TRPC4: variants seen among roughly 807,000 people sequenced by gnomAD.
The protein encoded by TRPC4 is short transient receptor potential channel 4.
Under a neutral mutation model 99.4 loss-of-function variants are expected in TRPC4, and 49 were observed. The observed-to-expected ratio is 0.49, with a 90% CI of 0.39 to 0.63. The LOEUF (loss-of-function observed/expected upper bound fraction) is 0.63, where lower values mean the gene tolerates loss of function less well. TRPC4 is among the 20% of genes least tolerant of loss of function. The pLI is 0.00. For missense variants in TRPC4, 898 were observed against 1,152.9 expected (o/e 0.78, Z 3.20); for synonymous variants, 454 against 425.9 (o/e 1.07, Z -0.81).
At chr13:37,716,594 T>C (rs765216717) in intron 3 of TRPC4, among the ~76,000 whole-genome samples, 1 of 152,154 alleles carries the variant, frequency 6.6e-6, no homozygotes, top group Admixed American at 6.5e-5. Flanking sequence ...AGGAAGTGGT[T>C]AGTACTTTGT....
At chr13:37,827,529 C>A (rs992813004) in intron 1 of TRPC4, among the ~76,000 whole-genome samples, 1 of 152,030 alleles carries the variant, frequency 6.6e-6, no homozygotes, top group African/African-American at 2.4e-5. Context: ...GAGTACCCTG[C>A]GGTGTGAGGT....
intron 2 of TRPC4, among the ~76,000 whole-genome samples, chr13:37,772,663 G>A (rs1956588101): frequency 2.0e-5 from 3 of 151,654 alleles, no homozygotes; most frequent in Non-Finnish European, 4.4e-5. Context: ...GAAGAGGGAC[G>A]TTTAACTTCA....
chr13:37,843,705 C>CACACACAT (rs35659228), intron 1 of TRPC4, among the ~76,000 whole-genome samples: 4,394 of 151,732 alleles, frequency 0.029, 77 homozygotes, highest in Middle Eastern at 0.045. Context: ...CACACACACA[C>CACACACAT]GCACACATAC....
At chr13:37,787,965 A>T (rs959886175) in intron 1 of TRPC4, among the ~76,000 whole-genome samples, 1 of 152,022 alleles carries the variant, frequency 6.6e-6, no homozygotes, top group Non-Finnish European at 1.5e-5. Context: ...ACACATATCG[A>T]GGGGAATGGT....
At chr13:37,835,430 C>T (rs34824702) in intron 1 of TRPC4, among the ~76,000 whole-genome samples, 37,461 of 152,106 alleles carry the variant, frequency 0.25, 4,924 homozygotes, top group African/African-American at 0.33. Flanking sequence ...CAACATCTTG[C>T]TACTTGCATC....
intron 1 of TRPC4, among the ~76,000 whole-genome samples, chr13:37,825,197 A>T (rs1180951376): frequency 6.6e-6 from 1 of 151,550 alleles, no homozygotes. Flanking sequence ...TGGTCTATCT[A>T]TTTTGTTGAT....
At chr13:37,726,337 AT>A (rs1955056803) in intron 3 of TRPC4, among the ~76,000 whole-genome samples, 1 of 152,210 alleles carries the variant, frequency 6.6e-6, no homozygotes, top group African/African-American at 2.4e-5. Flanking sequence ...ATTTTGTGAT[AT>A]CAACCACTGA....
Position 37,810,887 on chromosome 13 carries a change from CG to C in TRPC4, c.-27-27528del, listed in dbSNP as rs201289196. Among the ~76,000 whole-genome samples the C allele has an allele frequency of 5.6e-3, 853 of 151,978 alleles. 7 individuals carry two copies. Among genetic ancestry groups the C allele is most frequent in the African/African-American group, 0.02 (814 of 41,530 alleles). On this transcript the variant is annotated intron_variant, in intron 1 of 10. Transcript: ENST00000379705. ...GTTTATCTCTCCAACAAACTGATCTCGAAATTTTTTGTACTCTATGTATTTT... is the reference window on the plus strand; with the variant it reads ...GTTTATCTCTCCAACAAACTGATCTCAAATTTTTTGTACTCTATGTATTTT...
chr13:37,700,486 A>G (rs1265423170), intron 3 of TRPC4, among the ~76,000 whole-genome samples: 5 of 152,194 alleles, frequency 3.3e-5, no homozygotes, highest in African/African-American at 1.2e-4. Flanking sequence ...CTGCTCTACT[A>G]TCTCCCAGTA....
intron 1 of TRPC4, among the ~76,000 whole-genome samples, chr13:37,864,361 T>C (rs555820310): frequency 3.3e-5 from 5 of 151,608 alleles, no homozygotes; most frequent in Non-Finnish European, 7.4e-5. Context: ...ATAAATCCTA[T>C]AAAAATGAGC....
rs1957810816 is a variant in TRPC4, at chr13:37,815,071, T to A, written c.-27-31711A>T. On this transcript the variant is annotated intron_variant, in intron 1 of 10. Coordinates refer to ENST00000379705, the MANE Select transcript of TRPC4 (RefSeq NM_016179.4). ...TTTTTACAAAGGTGTCAAGAAAAAT[T>A]TAATGGAAAAAAGATCTTTCAATAA... Among the ~76,000 whole-genome samples the A allele has an allele frequency of 2.6e-5, 4 of 151,608 alleles. No homozygotes were observed. The South Asian group carries it at 8.3e-4, about 31-fold the overall frequency.
intron 1 of TRPC4, among the ~76,000 whole-genome samples, chr13:37,837,179 G>A (rs991709453): frequency 6.6e-6 from 1 of 152,234 alleles, no homozygotes; most frequent in African/African-American, 2.4e-5. Flanking sequence ...TGTTACAGGG[G>A]CAGGGCCCTC....
At chr13:37,801,272 G>A (rs1957392828) in intron 1 of TRPC4, among the ~76,000 whole-genome samples, 1 of 152,110 alleles carries the variant, frequency 6.6e-6, no homozygotes, top group African/African-American at 2.4e-5. Context: ...CTCTGGCAGA[G>A]AATCTATGTA....
chr13:37,713,833 G>A (rs1291904349), intron 3 of TRPC4, among the ~76,000 whole-genome samples: 1 of 152,206 alleles, frequency 6.6e-6, no homozygotes, highest in Non-Finnish European at 1.5e-5. Context: ...TATAAGAGAG[G>A]TGAGTCCAGG....
intron 3 of TRPC4, among the ~76,000 whole-genome samples, chr13:37,719,839 G>T (rs553867042): frequency 7.4e-5 from 11 of 149,342 alleles, no homozygotes; most frequent in African/African-American, 2.6e-4. Context: ...AGGAATGAAG[G>T]TTGCAGATGG....
chr13:37,661,073 T>C (rs1952421056), intron 6 of TRPC4, among the ~76,000 whole-genome samples: 1 of 152,202 alleles, frequency 6.6e-6, no homozygotes, highest in Non-Finnish European at 1.5e-5. Flanking sequence ...ATAATTCAAG[T>C]GCAATAACTG....
At chr13:37,819,997 C>T (rs1407283534) in intron 1 of TRPC4, among the ~76,000 whole-genome samples, 3 of 151,550 alleles carry the variant, frequency 2.0e-5, no homozygotes, top group Non-Finnish European at 2.9e-5. Context: ...AAAAGATCAA[C>T]AAATCCAGGA....
At chr13:37,746,895 T>C (rs901764605) in intron 2 of TRPC4, among the ~76,000 whole-genome samples, 1 of 152,170 alleles carries the variant, frequency 6.6e-6, no homozygotes, top group African/African-American at 2.4e-5. Context: ...AGAAGTCCTT[T>C]AATTCCTCAA....
chr13:37,855,294 T>C lies in TRPC4; in HGVS notation c.-28+14301A>G, dbSNP rs182590184. On this transcript the variant is annotated intron_variant, in intron 1 of 10. Coordinates refer to ENST00000379705, the MANE Select transcript of TRPC4 (RefSeq NM_016179.4). Reference sequence around the variant, plus strand: ...GTCAATCCAGCAACAGGATACAATGTAGATATATATATATATATACACATG... The same window carrying C: ...GTCAATCCAGCAACAGGATACAATGCAGATATATATATATATATACACATG... Among the ~76,000 whole-genome samples the C allele has an allele frequency of 6.3e-3, 876 of 138,330 alleles. 10 individuals are homozygous for C. Among genetic ancestry groups the C allele is most frequent in the African/African-American group, 0.022 (820 of 36,468 alleles). The allele number at this position is 138,330 out of a possible 152,430, so 90.7% of individuals were successfully genotyped here.
Sources: allele counts gnomAD v4.1 joint callset (sites outside exome capture counted in the v4.1 genomes callset), GRCh38; gene constraint gnomAD v4.1.1; transcripts MANE v1.5; gene names NCBI Gene and HGNC (gene_info 2026-07-23, HGNC 2026-07-21).